The following BLTP1 variants were observed in gnomAD, a reference collection of about 807,000 sequenced individuals.
BLTP1 encodes bridge-like lipid transfer protein family member 1.
chr4:122,267,711 G>A, the BLTP1 span: 3 of 597,558 alleles, frequency 5.0e-6, no homozygotes, highest in South Asian at 2.2e-4. Context: ...ATCTTTTGCT[G>A]TTATTTTATA....
the BLTP1 span, chr4:122,289,434 C>T: frequency 3.3e-6 from 3 of 920,906 alleles, no homozygotes; most frequent in Non-Finnish European, 3.9e-6. Flanking sequence ...TTATGTTTCA[C>T]CCTGAAAAAA....
chr4:122,269,630 G>A, the BLTP1 span: 1 of 985,054 alleles, frequency 1.0e-6, no homozygotes, highest in African/African-American at 1.7e-5. Context: ...TGGGTTTTTT[G>A]TTTGTTTTTG....
the BLTP1 span, chr4:122,276,765 A>G: frequency 1.0e-6 from 1 of 970,234 alleles, no homozygotes; most frequent in South Asian, 4.8e-5. Context: ...TCTCTGAGAA[A>G]TAGTGTCTTG....
the BLTP1 span, chr4:122,259,985 G>A: frequency 5.2e-6 from 4 of 769,502 alleles, no homozygotes; most frequent in Non-Finnish European, 6.3e-6. Context: ...GTAATATATA[G>A]TCATGCATCA....
the BLTP1 span, chr4:122,192,417 A>T: frequency 2.4e-6 from 3 of 1,229,776 alleles, no homozygotes; most frequent in Non-Finnish European, 3.5e-6. Flanking sequence ...AGTTTTTTAG[A>T]TGTATTTAGA....
At chr4:122,272,563 G>A in the BLTP1 span, among the ~76,000 whole-genome samples, 1 of 151,796 alleles carries the variant, frequency 6.6e-6, no homozygotes. Context: ...CAAGAACTTT[G>A]TTGTAATTGA....
At chr4:122,353,160 A>G in the BLTP1 span, 1 of 1,611,754 alleles carries the variant, frequency 6.2e-7, no homozygotes, top group Non-Finnish European at 8.5e-7. The surrounding 1 kb of genome is among the most constrained non-coding windows in gnomAD (Gnocchi z 4.3). Flanking sequence ...AAGATGGTAA[A>G]CTGACACATT....
the BLTP1 span, chr4:122,177,809 TC>T: frequency 6.6e-6 from 1 of 152,294 alleles, no homozygotes; most frequent in South Asian, 2.1e-4. Flanking sequence ...AGCAGCACCC[TC>T]CCCCACAAAC....
At chr4:122,156,633 T>C in the BLTP1 span, among the ~76,000 whole-genome samples, 1 of 152,220 alleles carries the variant, frequency 6.6e-6, no homozygotes, top group Non-Finnish European at 1.5e-5. Flanking sequence ...TCAGAAAGTT[T>C]AGTTGTAAAT....
chr4:122,357,492 G>A, the BLTP1 span, among the ~76,000 whole-genome samples: 1 of 151,658 alleles, frequency 6.6e-6, no homozygotes, highest in Non-Finnish European at 1.5e-5. Flanking sequence ...CTTGAGCCTG[G>A]GAGTTCAAGG....
the BLTP1 span, chr4:122,246,317 A>C: frequency 1.3e-6 from 2 of 1,540,918 alleles, no homozygotes; most frequent in Non-Finnish European, 1.7e-6. Context: ...TTAATATTTA[A>C]AAATTTTTTC....
the BLTP1 span, chr4:122,209,731 A>C: frequency 2.7e-6 from 4 of 1,481,802 alleles, no homozygotes; most frequent in Non-Finnish European, 1.8e-6. Context: ...AAAAATAATA[A>C]TAAAATTTGA....
At chr4:122,296,991 A>G in the BLTP1 span, among the ~76,000 whole-genome samples, 1 of 152,206 alleles carries the variant, frequency 6.6e-6, no homozygotes, top group Non-Finnish European at 1.5e-5. Flanking sequence ...AGACAATACC[A>G]TTTAGGACAT....
At chr4:122,229,943 C>G in the BLTP1 span, 1 of 1,611,796 alleles carries the variant, frequency 6.2e-7, no homozygotes, top group Non-Finnish European at 8.5e-7. Context: ...GGGTGCAATT[C>G]GAGTTGCAAA....
the BLTP1 span, among the ~76,000 whole-genome samples, chr4:122,222,476 C>T: frequency 6.3e-3 from 953 of 152,276 alleles, 9 homozygotes; most frequent in African/African-American, 0.022. Flanking sequence ...ACAAAGTATC[C>T]TATGCTAGGT....
chr4:122,220,036 T>G, the BLTP1 span, among the ~76,000 whole-genome samples: 1 of 152,146 alleles, frequency 6.6e-6, no homozygotes, highest in African/African-American at 2.4e-5. Context: ...TGTGGACCTG[T>G]TCTGGCTGAC....
At chr4:122,162,954 A>G in the BLTP1 span, among the ~76,000 whole-genome samples, 1 of 152,174 alleles carries the variant, frequency 6.6e-6, no homozygotes, top group Non-Finnish European at 1.5e-5. Flanking sequence ...GTTCCTGCAC[A>G]TATGTATGCT....
chr4:122,299,548 T>C, the BLTP1 span, among the ~76,000 whole-genome samples: 1 of 152,130 alleles, frequency 6.6e-6, no homozygotes, highest in Non-Finnish European at 1.5e-5. Flanking sequence ...AATGAATGAA[T>C]TTGAGATTTC....
chr4:122,277,131 G>GTT, the BLTP1 span: 1 of 912,214 alleles, frequency 1.1e-6, no homozygotes, highest in South Asian at 5.0e-5. Flanking sequence ...GAGGCCAGGA[G>GTT]TTTGAGACCA....
Sources: gnomAD v4.1 joint callset for allele counts (sites outside exome capture counted in the v4.1 genomes callset) on GRCh38, gnomAD v4.1.1 for gene constraint, Gnocchi (gnomAD v3.1) non-coding constraint, MANE v1.5 for transcripts, NCBI Gene and HGNC (gene_info 2026-07-23, HGNC 2026-07-21) for gene names.